The following CNBD1 variants were observed in gnomAD, a reference collection of about 807,000 sequenced individuals.
CNBD1 encodes cyclic nucleotide binding domain containing 1.
In CNBD1, 71 loss-of-function variants were observed where a neutral mutation model predicts 54.4. The observed-to-expected ratio is 1.30, with a 90% CI of 1.08 to 1.59. The LOEUF (loss-of-function observed/expected upper bound fraction) is 1.59, where lower values mean the gene tolerates loss of function less well. CNBD1 is among the 40% of genes most tolerant of loss of function. The pLI is 0.00. For synonymous variants in CNBD1, 182 were observed against 170.7 expected (o/e 1.07, Z -0.51); for missense variants, 659 against 518.0 (o/e 1.27, Z -2.64).
At chr8:87,336,476 T>C (rs771491847) in intron 8 of CNBD1, among the ~76,000 whole-genome samples, 13 of 152,164 alleles carry the variant, frequency 8.5e-5, no homozygotes, top group Non-Finnish European at 1.9e-4. Flanking sequence ...TTCCTTCTAA[T>C]TGATCAATTT....
At chr8:87,345,290 C>T (rs773046235) in intron 8 of CNBD1, among the ~76,000 whole-genome samples, 7 of 152,156 alleles carry the variant, frequency 4.6e-5, no homozygotes, top group Non-Finnish European at 1.0e-4. Context: ...GTGAATCACA[C>T]ATATTTTTGG....
rs544750280 is a variant in CNBD1 at position 86,978,783 on chromosome 8, C to T, written c.431+39029C>T. Among the ~76,000 whole-genome samples the T allele has an allele frequency of 2.6e-5, 4 of 152,210 alleles. No individual in the cohort carries two copies. The East Asian group carries it at 5.8e-4, about 22-fold the overall frequency. ...TCCCGACCTCAGGCGATCCACCTGC[C>T]TCAGCCTCCCAAAGTGCTGGGATTA... On this transcript the variant is annotated intron_variant, in intron 4 of 10. Transcript: ENST00000518476.
At chr8:87,048,175 C>T (rs947007579) in intron 4 of CNBD1, among the ~76,000 whole-genome samples, 1 of 152,008 alleles carries the variant, frequency 6.6e-6, no homozygotes, top group East Asian at 1.9e-4. Context: ...TTCACTAACA[C>T]CAAGTCTTCT....
Position 87,011,700 on chromosome 8 carries a change from A to G in CNBD1, c.431+71946A>G, listed in dbSNP as rs181001591. ...GAAAAACATTATATAGAAAGAACAC[A>G]TTTTCTTCTTTTCTACTTTAGGAGT... On this transcript the variant is annotated intron_variant, in intron 4 of 10. Transcript: ENST00000518476. Among the ~76,000 whole-genome samples, 220 of 152,078 alleles carry G rather than the reference A, an allele frequency of 1.4e-3. 2 individuals are homozygous for G. The highest frequency in any genetic ancestry group is 4.9e-3 in the African/African-American group (203 of 41,490).
chr8:87,184,913 A>T (rs775395657), intron 4 of CNBD1, among the ~76,000 whole-genome samples: 2 of 152,018 alleles, frequency 1.3e-5, no homozygotes, highest in Non-Finnish European at 2.9e-5. Flanking sequence ...CCAAGTTTTA[A>T]TATGTTGCAT....
chr8:87,237,232 T>A, intron 6 of CNBD1, 120 bp downstream of exon 6: 1 of 513,094 alleles, frequency 1.9e-6, no homozygotes, highest in African/African-American at 1.9e-5. Context: ...TACGATAATA[T>A]AGCCTTTAAA....
chr8:87,332,996 A>G (rs759028022), intron 8 of CNBD1, among the ~76,000 whole-genome samples: 2 of 152,154 alleles, frequency 1.3e-5, no homozygotes, highest in African/African-American at 2.4e-5. Context: ...GATTCTTCCC[A>G]TCTATGAGGA....
intron 4 of CNBD1, among the ~76,000 whole-genome samples, chr8:87,170,650 G>A (rs1813066273): frequency 6.6e-6 from 1 of 151,952 alleles, no homozygotes; most frequent in African/African-American, 2.4e-5. Flanking sequence ...TTTGGTTTTT[G>A]TTATGTTGAG....
chr8:87,168,977 C>T (rs1418348607), intron 4 of CNBD1, among the ~76,000 whole-genome samples: 1 of 151,954 alleles, frequency 6.6e-6, no homozygotes, highest in African/African-American at 2.4e-5. Flanking sequence ...TGTAGTAGCA[C>T]CCTTTTTAGC....
intron 4 of CNBD1, among the ~76,000 whole-genome samples, chr8:87,059,786 C>T: frequency 1.3e-5 from 2 of 152,194 alleles, no homozygotes; most frequent in East Asian, 3.8e-4. Flanking sequence ...CACAGCCAGA[C>T]CATATCAGGC....
chr8:86,922,594 T>A (rs959003053), intron 3 of CNBD1, among the ~76,000 whole-genome samples: 1 of 152,144 alleles, frequency 6.6e-6, no homozygotes, highest in Non-Finnish European at 1.5e-5. Context: ...ACAAATTGGC[T>A]ACAGGCATAA....
chr8:86,912,206 T>C (rs994709487), intron 3 of CNBD1, among the ~76,000 whole-genome samples: 19 of 152,146 alleles, frequency 1.2e-4, no homozygotes, highest in Non-Finnish European at 2.6e-4. Context: ...TTTTAAAAAA[T>C]TCAGATTAAC....
At position 87,382,717 on chromosome 8, in the gene CNBD1, C is replaced by A; in HGVS notation, c.*90C>A. The A allele has an allele frequency of 1.9e-6, 2 of 1,033,692 alleles. No homozygotes were observed. Among genetic ancestry groups the A allele is most frequent in the Non-Finnish European group, 2.9e-6 (2 of 698,326 alleles). The allele number at this position is 1,033,692 out of a possible 1,614,324, so 64.0% of individuals were successfully genotyped here. A position where few individuals can be genotyped will look rare whatever the true frequency, so the allele number is the denominator to read the frequency against. On this transcript the variant is annotated 3_prime_UTR_variant, in exon 11 of 11. Transcript: ENST00000518476. The stretch of plus-strand genomic sequence containing the variant: ...TTCTGGAATACTATCAAACTACCAG[C>A]AATGAATTTGGTCTATTGTGACTAC...
chr8:86,881,477 C>T (rs529916219), intron 1 of CNBD1, among the ~76,000 whole-genome samples: 1 of 152,180 alleles, frequency 6.6e-6, no homozygotes, highest in Admixed American at 6.5e-5. Context: ...TAAAAGATCT[C>T]TACAAGGAGA....
chr8:87,129,296 A>T lies in CNBD1; in HGVS notation c.432-76697A>T, dbSNP rs894233539. ...TTTACCAGAAAGCCATCTGGGCCAAAAGTCGTCTTTGTGGGAAGATCTTTA... is the reference window on the plus strand; with the variant it reads ...TTTACCAGAAAGCCATCTGGGCCAATAGTCGTCTTTGTGGGAAGATCTTTA... On this transcript the variant is annotated intron_variant, in intron 4 of 10. Transcript: ENST00000518476. 9.9e-5 allele frequency among the ~76,000 whole-genome samples: 15 copies of T among 151,954 alleles called. No homozygotes were observed. The Middle Eastern group carries it at 9.5e-3, about 96-fold the overall frequency.
chr8:87,231,516 G>A (rs1807429357), intron 5 of CNBD1, among the ~76,000 whole-genome samples: 1 of 152,174 alleles, frequency 6.6e-6, no homozygotes, highest in African/African-American at 2.4e-5. Context: ...TAAAGTTGAA[G>A]CAATCACAGT....
chr8:87,421,954 A>G (rs1264243965), intron 2 of CNBD1, among the ~76,000 whole-genome samples: 30 of 149,594 alleles, frequency 2.0e-4, no homozygotes, highest in Admixed American at 8.0e-4. Flanking sequence ...CTGACTTTTT[A>G]ATGATCGCCA....
At chr8:87,043,426 T>C (rs1406127417) in intron 4 of CNBD1, among the ~76,000 whole-genome samples, 1 of 152,244 alleles carries the variant, frequency 6.6e-6, no homozygotes, top group Non-Finnish European at 1.5e-5. Flanking sequence ...TTGCTATGTA[T>C]ATAGAATTCT....
intron 3 of CNBD1, among the ~76,000 whole-genome samples, chr8:86,932,899 G>C (rs573934095): frequency 1.3e-5 from 2 of 151,924 alleles, no homozygotes; most frequent in African/African-American, 4.8e-5. Flanking sequence ...GAATAGTTGC[G>C]CTCACTGAAG....
Sources: allele counts gnomAD v4.1 joint callset (sites outside exome capture counted in the v4.1 genomes callset), GRCh38; gene constraint gnomAD v4.1.1; transcripts MANE v1.5; gene names NCBI Gene and HGNC (gene_info 2026-07-23, HGNC 2026-07-21).